Variants in COL17A1 observed in about 807,000 individuals in gnomAD.
COL17A1 encodes the protein collagen type XVII alpha 1 chain, also known as collagen alpha-1(XVII) chain.
COL17A1 carries 181 observed loss-of-function variants against 218.4 expected under a neutral mutation model. The ratio of observed to expected loss-of-function variants is 0.83; its 90% CI spans 0.73 to 0.94. COL17A1 has a LOEUF of 0.94. Among genes scored for constraint, COL17A1 ranks in the 40% least tolerant of loss-of-function variants. The pLI is 0.00. For synonymous variants in COL17A1, 721 were observed against 731.0 expected, an observed-to-expected ratio of 0.99 and a Z score of 0.22; for missense variants, 1,924 against 1,945.9, an observed-to-expected ratio of 0.99 and a Z score of 0.21.
At chr10:104,062,453 T>C in intron 11 of COL17A1, 124 bp from the exon 12 acceptor site, 1 of 1,303,394 alleles carries the variant, frequency 7.7e-7, no homozygotes, top group Non-Finnish European at 1.1e-6. Context: ...TTCCCAAACT[T>C]CCTCGGTTCC....
chr10:104,063,663 A>G, intron 11 of COL17A1, 84 bp downstream of exon 11: 1 of 1,584,608 alleles, frequency 6.3e-7, no homozygotes, highest in Non-Finnish European at 8.6e-7. Context: ...GCATGGAAGA[A>G]AGGCCTTCAT....
rs1287820388 is a variant in COL17A1 at position 104,034,263 on chromosome 10, G to A, written c.3838C>T (p.Arg1280Cys). 5 of 1,603,710 alleles carry A rather than the reference G, an allele frequency of 3.1e-6. No individual in the cohort carries two copies. The highest frequency in any genetic ancestry group is 2.7e-5 in the African/African-American group (2 of 74,846). The change falls in exon 52 of 56, where the codon CGC becomes TGC. Residue 1280 changes from arginine to cysteine, a missense_variant. Arg to Cys is a radical substitution (Grantham distance 180). Coordinates refer to ENST00000648076, the MANE Select transcript of COL17A1 (RefSeq NM_000494.4). The part of the protein sequence containing the change: ...PGPQGPPGDS[R>C]LLSTDASHSR... ...TGGGAGGCATCCGTGGACAGGAGGC[G>A]GCTGTCCCCAGGGGGTCCCTGCGGC...
rs753113986 is a variant in COL17A1 at position 104,048,135 on chromosome 10, G to C, written c.2228-31C>G. On this transcript the variant is annotated intron_variant, in intron 29 of 55. Coordinates refer to ENST00000648076, the MANE Select transcript of COL17A1 (RefSeq NM_000494.4). ...AAAGTAGAAGCAAGGTCTCTCAGTT[G>C]CTCCTGGAGTGATTTCTGCGATTCC... 3.0e-5 allele frequency: 49 copies of C among 1,613,524 alleles called. No individual in the cohort carries two copies. In the South Asian group the frequency reaches 5.3e-4, roughly 17 times the overall value.
intron 33 of COL17A1, 42 bp from the exon 34 acceptor site, chr10:104,043,902 T>A: frequency 6.2e-7 from 1 of 1,611,256 alleles, no homozygotes; most frequent in African/African-American, 1.3e-5. Context: ...GTTCTGAGGA[T>A]CAATTAGTGG....
chr10:104,049,929 C>T (rs1225426737), intron 28 of COL17A1, among the ~76,000 whole-genome samples, 160 bp downstream of exon 28: 2 of 152,226 alleles, frequency 1.3e-5, no homozygotes, highest in African/African-American at 4.8e-5. Context: ...TCCTCCACTC[C>T]AGGCTTTATT....
At chr10:104,060,574 T>C (rs1006714972) in intron 13 of COL17A1, among the ~76,000 whole-genome samples, 1 of 152,114 alleles carries the variant, frequency 6.6e-6, no homozygotes, top group African/African-American at 2.4e-5. Flanking sequence ...AGGATCTTTA[T>C]TGAATGGGTA....
intron 31 of COL17A1, among the ~76,000 whole-genome samples, chr10:104,047,162 G>T (rs1259014732): frequency 1.3e-5 from 2 of 152,142 alleles, no homozygotes; most frequent in Non-Finnish European, 2.9e-5. Flanking sequence ...TACTCTCAGA[G>T]GCCCCCGATG....
intron 37 of COL17A1, 60 bp from the exon 38 acceptor site, chr10:104,041,404 G>A: frequency 6.2e-7 from 1 of 1,603,258 alleles, no homozygotes; most frequent in Non-Finnish European, 8.5e-7. Context: ...CCACCCCTGA[G>A]GATCTTGGCT....
chr10:104,047,916 G>T, intron 30 of COL17A1, 106 bp from the exon 31 acceptor site: 1 of 1,376,196 alleles, frequency 7.3e-7, no homozygotes, highest in East Asian at 2.3e-5. Context: ...TGACTTGCTG[G>T]CAGGTGGAAA....
intron 3 of COL17A1, 64 bp from the exon 4 acceptor site, chr10:104,077,590 C>A: frequency 3.6e-6 from 5 of 1,371,424 alleles, no homozygotes; most frequent in East Asian, 2.4e-5. Context: ...CCCCTGGTCC[C>A]CCACCCTGTG....
At chr10:104,048,208 C>T (rs2086433100) in intron 29 of COL17A1, 104 bp from the exon 30 acceptor site, 1 of 1,245,032 alleles carries the variant, frequency 8.0e-7, no homozygotes, top group East Asian at 2.3e-5. Context: ...TCCCAGGAGC[C>T]CACGCAGCCA....
chr10:104,077,159 T>C (rs1326898870), intron 4 of COL17A1, among the ~76,000 whole-genome samples: 1 of 152,244 alleles, frequency 6.6e-6, no homozygotes, highest in African/African-American at 2.4e-5. Context: ...GTGGACTTAA[T>C]GAAAATGGAT....
rs2086253933 is a variant in COL17A1 at position 104,034,447 on chromosome 10, C to T, written c.3767-113G>A. ...ATGCCCCTGAGAGACCAGAAGTGAA[C>T]TTCAGGGTTCTTGTACCCGAGTGGG... On this transcript the variant is annotated intron_variant, in intron 51 of 55. Coordinates refer to ENST00000648076, the MANE Select transcript of COL17A1 (RefSeq NM_000494.4). 6 of 1,469,994 alleles carry T rather than the reference C, an allele frequency of 4.1e-6. No homozygotes were observed. In the Admixed American group the frequency reaches 6.3e-5, roughly 15 times the overall value. The allele number at this position is 1,469,994 out of a possible 1,614,324, so 91.1% of individuals were successfully genotyped here. A position where few individuals can be genotyped will look rare whatever the true frequency, so the allele number is the denominator to read the frequency against.
In COL17A1 at chr10:104,055,880, G is replaced by A. The variant is rs200164044; in HGVS notation, c.1589C>T (p.Ala530Val). Residue 530 changes from alanine (A) to valine (V), a missense_variant, in exon 18 of 56, where the codon GCG (alanine) becomes GTG (valine). By Grantham distance (64) the Ala-to-Val change is moderately conservative. Transcript: ENST00000648076. ...AATTTTGTCCAGGTCTGCTCCCGCC[G>A]CGGGTGCCATGCCCTGGAGGCGGTC... ...EKDRLQGMAPAAGADLDKIGL... is the reference protein window; with the variant it reads ...EKDRLQGMAPVAGADLDKIGL... 78 of 1,614,174 alleles carry A rather than the reference G, an allele frequency of 4.8e-5. No homozygotes were observed. The East Asian group carries it at 5.6e-4, about 12-fold the overall frequency.
rs550069420 is a variant in COL17A1 at position 104,045,341 on chromosome 10, A to AT, written c.2398+416dup. Among the ~76,000 whole-genome samples the AT allele has an allele frequency of 7.2e-5, 11 of 152,336 alleles. No homozygotes were observed. The South Asian group carries it at 2.3e-3, about 32-fold the overall frequency. ...ATTCACACCAAGGCTGATATGAATGATAAGGGCAAAGGTAGCTCCTGCCCC... is the reference window on the plus strand; with the variant it reads ...ATTCACACCAAGGCTGATATGAATGATTAAGGGCAAAGGTAGCTCCTGCCCC... On this transcript the variant is annotated intron_variant, in intron 33 of 55. Transcript: ENST00000648076.
At chr10:104,085,081 G>A (rs989624137) in intron 1 of COL17A1, among the ~76,000 whole-genome samples, 1 of 152,072 alleles carries the variant, frequency 6.6e-6, no homozygotes, top group Admixed American at 6.6e-5. Context: ...GTATATATAC[G>A]GGAAACAATT....
intron 11 of COL17A1, chr10:104,063,517 G>T (rs1286030083): frequency 1.6e-6 from 1 of 606,522 alleles, no homozygotes; most frequent in Non-Finnish European, 2.9e-6. Context: ...GAAAATAAAG[G>T]CGCCACCTTA....
rs142368982 is a variant in COL17A1 at position 104,056,985 on chromosome 10, G to C, written c.1455C>G (p.Leu485=). ...GCCTTTGCCACGTACCCAGAGCAAT[G>C]AGGCCGAAGAGCAGCCCCAGGAGTA... The part of the protein sequence containing the change: ...WLLLLGLLFG[L]IALAEEVRKL... Residue 485 remains leucine, a synonymous_variant, in exon 17 of 56, where the codon CTC becomes CTG. Transcript: ENST00000648076. 59 of 1,577,114 alleles carry C rather than the reference G, an allele frequency of 3.7e-5. No individual in the cohort carries two copies. In the African/African-American group the frequency reaches 6.7e-4, roughly 18 times the overall value.
intron 8 of COL17A1, among the ~76,000 whole-genome samples, chr10:104,070,898 T>G (rs1260564400): frequency 1.3e-5 from 2 of 152,150 alleles, no homozygotes; most frequent in Non-Finnish European, 2.9e-5. Context: ...ATCAGGCAGT[T>G]AGAGAACCAG....
Sources: allele counts gnomAD v4.1 joint callset (sites outside exome capture counted in the v4.1 genomes callset), GRCh38; gene constraint gnomAD v4.1.1; transcripts MANE v1.5; gene names NCBI Gene and HGNC (gene_info 2026-07-23, HGNC 2026-07-21).